SMIM8: variants seen among roughly 807,000 people sequenced by gnomAD.
The protein encoded by SMIM8 is UPF0708 protein C6orf162.
A neutral mutation model predicts 8.1 loss-of-function variants in SMIM8; 8 were observed. That is an observed-to-expected ratio of 0.99 (90% CI 0.58 to 1.78). The LOEUF (loss-of-function observed/expected upper bound fraction) is 1.78. Ranked by LOEUF, SMIM8 falls within the 40% of genes most tolerant of loss-of-function variation. SMIM8 has a pLI of 0.00. For missense variants in SMIM8, 126 were observed against 119.8 expected, an observed-to-expected ratio of 1.05 and a Z score of -0.24; for synonymous variants, 45 against 39.7, an observed-to-expected ratio of 1.13 and a Z score of -0.50.
intron 2 of SMIM8, among the ~76,000 whole-genome samples, chr6:87,334,293 A>G (rs1010529081): frequency 6.6e-6 from 1 of 152,238 alleles, no homozygotes; most frequent in African/African-American, 2.4e-5. Flanking sequence ...GGCTGCCCGA[A>G]CAAACTTTGG....
At chr6:87,329,542 C>T (rs926470044) in intron 1 of SMIM8, among the ~76,000 whole-genome samples, 11 of 152,320 alleles carry the variant, frequency 7.2e-5, no homozygotes, top group South Asian at 4.1e-4. Context: ...CTACCCGCTT[C>T]GGCCTCCCAG....
intron 3 of SMIM8, 86 bp from the exon 4 acceptor site, chr6:87,340,030 A>G: frequency 1.0e-6 from 1 of 1,002,844 alleles, no homozygotes; most frequent in South Asian, 2.1e-5. Flanking sequence ...AAGATGTGGC[A>G]TGTCAGGAGG....
At chr6:87,331,639 A>G (rs528614520) in intron 2 of SMIM8, among the ~76,000 whole-genome samples, 3 of 152,340 alleles carry the variant, frequency 2.0e-5, no homozygotes, top group African/African-American at 7.2e-5. Context: ...ATAGTTATAT[A>G]TAACAAATTC....
intron 1 of SMIM8, among the ~76,000 whole-genome samples, chr6:87,327,730 G>T (rs1225608775): frequency 1.4e-5 from 2 of 145,928 alleles, no homozygotes; most frequent in Non-Finnish European, 3.0e-5. Flanking sequence ...ACAATTATGT[G>T]TCTTGGAGTT....
Position 87,340,471 on chromosome 6 carries a change from G to A in SMIM8, c.*197G>A, listed in dbSNP as rs1483268683. On this transcript the variant is annotated 3_prime_UTR_variant, in exon 4 of 4. Coordinates refer to ENST00000392863, the MANE Select transcript of SMIM8 (RefSeq NM_001042493.3). ...CATTATCTCATTCTTTTTCCACAGA[G>A]TGAGCGTCATAATATTTTTCTTTCC... 4 of 386,278 alleles carry A rather than the reference G, an allele frequency of 1.0e-5. No individual in the cohort carries two copies. The highest frequency in any genetic ancestry group is 8.3e-5 in the African/African-American group (4 of 48,184). 23.9% of individuals were successfully genotyped at this position (386,278 alleles called of 1,614,324 possible). A position where few individuals can be genotyped will look rare whatever the true frequency, so the allele number is the denominator to read the frequency against.
At chr6:87,334,001 A>G (rs1484283380) in intron 2 of SMIM8, among the ~76,000 whole-genome samples, 1 of 152,182 alleles carries the variant, frequency 6.6e-6, no homozygotes, top group African/African-American at 2.4e-5. Context: ...GTTGTGGTGG[A>G]AGATTAAGTG....
chr6:87,328,727 G>C, intron 1 of SMIM8, among the ~76,000 whole-genome samples: 1 of 152,184 alleles, frequency 6.6e-6, no homozygotes, highest in Admixed American at 6.5e-5. Flanking sequence ...CCTGCCCCCA[G>C]AGGTGGAGCC....
chr6:87,323,289 A>G (rs1169237765), intron 1 of SMIM8, among the ~76,000 whole-genome samples: 3 of 150,806 alleles, frequency 2.0e-5, no homozygotes, highest in Non-Finnish European at 2.9e-5. Context: ...TTTATTTGTT[A>G]TTATTATAAG....
chr6:87,330,753 A>AC (rs1276045523), intron 2 of SMIM8, 41 bp downstream of exon 2: 1 of 151,852 alleles, frequency 6.6e-6, no homozygotes, highest in East Asian at 1.9e-4. Context: ...TGAAGCAAAT[A>AC]CCCCTTAGTT....
intron 1 of SMIM8, among the ~76,000 whole-genome samples, chr6:87,329,598 T>C (rs1041193958): frequency 2.0e-5 from 3 of 152,242 alleles, no homozygotes; most frequent in South Asian, 2.1e-4. Context: ...GCAGGAAAGA[T>C]ACTTTTTTAG....
At chr6:87,337,256 A>C in intron 3 of SMIM8, 90 bp downstream of exon 3, 1 of 1,409,760 alleles carries the variant, frequency 7.1e-7, no homozygotes, top group Non-Finnish European at 9.4e-7. Context: ...TTTATCATGG[A>C]AATTTTATGT....
intron 2 of SMIM8, among the ~76,000 whole-genome samples, chr6:87,332,429 T>A (rs1488643044): frequency 6.7e-6 from 1 of 149,400 alleles, no homozygotes; most frequent in African/African-American, 2.4e-5. Flanking sequence ...CAAAATTATA[T>A]ACAGTATATA....
chr6:87,336,210 C>T (rs1440413074), intron 2 of SMIM8, among the ~76,000 whole-genome samples: 1 of 152,120 alleles, frequency 6.6e-6, no homozygotes, highest in Admixed American at 6.6e-5. Flanking sequence ...CCTCTTTCAA[C>T]CCTCACCTCC....
intron 3 of SMIM8, among the ~76,000 whole-genome samples, chr6:87,338,853 TAA>T (rs1777162889): frequency 6.6e-6 from 1 of 151,522 alleles, no homozygotes; most frequent in Non-Finnish European, 1.5e-5. Context: ...GTAACAAAGT[TAA>T]TAGACAAAAT....
At chr6:87,339,257 G>T (rs1401584783) in intron 3 of SMIM8, among the ~76,000 whole-genome samples, 1 of 151,878 alleles carries the variant, frequency 6.6e-6, no homozygotes, top group Admixed American at 6.6e-5. Context: ...AGCTATGATT[G>T]CACCACTGCA....
chr6:87,324,411 T>A (rs1351547396), intron 1 of SMIM8, among the ~76,000 whole-genome samples: 3 of 151,696 alleles, frequency 2.0e-5, no homozygotes, highest in Non-Finnish European at 4.4e-5. Context: ...AGGTCTAACG[T>A]TTAAGTCTTT....
chr6:87,326,182 G>A (rs150969958), intron 1 of SMIM8, among the ~76,000 whole-genome samples: 11,704 of 152,024 alleles, frequency 0.077, 979 homozygotes, highest in African/African-American at 0.21. Context: ...TCTTGCTAGC[G>A]GTCTATCAAT....
At chr6:87,337,910 G>A (rs866896836) in intron 3 of SMIM8, among the ~76,000 whole-genome samples, 1 of 152,190 alleles carries the variant, frequency 6.6e-6, no homozygotes, top group South Asian at 2.1e-4. Context: ...TTACAGGCAT[G>A]AGCCACCACG....
At chr6:87,332,320 C>T (rs1562223241) in intron 2 of SMIM8, among the ~76,000 whole-genome samples, 77 of 93,090 alleles carry the variant, frequency 8.3e-4, no homozygotes, top group African/African-American at 3.4e-3. Flanking sequence ...CCTCCCCCCC[C>T]ATATATGTAT....
Sources: allele counts gnomAD v4.1 joint callset (sites outside exome capture counted in the v4.1 genomes callset), GRCh38; gene constraint gnomAD v4.1.1; transcripts MANE v1.5; gene names NCBI Gene and HGNC (gene_info 2026-07-23, HGNC 2026-07-21).